Variants in RNF170 observed in about 807,000 individuals in gnomAD.
RNF170 encodes ring finger protein 170.
A neutral mutation model predicts 32.7 loss-of-function variants in RNF170; 12 were observed. That is an observed-to-expected ratio of 0.37 (90% CI 0.24 to 0.60). The LOEUF (loss-of-function observed/expected upper bound fraction) is 0.60. Among genes scored for constraint, RNF170 ranks in the 20% least tolerant of loss-of-function variants. The pLI is 0.72. For missense variants in RNF170, 212 were observed against 311.2 expected, an observed-to-expected ratio of 0.68 and a Z score of 2.40; for synonymous variants, 91 against 103.6, an observed-to-expected ratio of 0.88 and a Z score of 0.74.
intron 2 of RNF170, among the ~76,000 whole-genome samples, chr8:42,877,355 T>C (rs1390059348): frequency 2.0e-5 from 3 of 151,988 alleles, no homozygotes; most frequent in African/African-American, 7.2e-5. Flanking sequence ...TTTAGTAGAG[T>C]TGGGGTTTCA....
In RNF170 at chr8:42,861,895, A is replaced by G. The variant is rs1283522218; in HGVS notation, c.397-40T>C. On this transcript the variant is annotated intron_variant, in intron 5 of 6. Coordinates refer to ENST00000527424, the MANE Select transcript of RNF170 (RefSeq NM_030954.4). ...AAAAAAAATTATTTCAACTTTCTGC[A>G]TCATTATGTTTTTTTCATTTTGTGT... The G allele has an allele frequency of 2.6e-6, 4 of 1,550,076 alleles. No individual in the cohort carries two copies. In the Admixed American group the frequency reaches 7.4e-5, roughly 29 times the overall value.
In RNF170 at chr8:42,855,354, G is replaced by A; in HGVS notation, c.*805C>T. 1.4e-6 allele frequency: 1 copy of A among 732,784 alleles called. No homozygotes were observed. The highest frequency in any genetic ancestry group is 2.0e-6 in the Non-Finnish European group (1 of 505,658). 45.4% of individuals were successfully genotyped at this position (732,784 alleles called of 1,614,324 possible). A position where few individuals can be genotyped will look rare whatever the true frequency, so the allele number is the denominator to read the frequency against. On this transcript the variant is annotated 3_prime_UTR_variant, in exon 7 of 7. Transcript: ENST00000527424. ...AGCCTCCCGAGTAGCTGGGACTACA[G>A]GCGCCTGCCACCACGCCTGGCTAAT... is the stretch of plus-strand genomic sequence containing the variant.
At chr8:42,861,704 G>A in intron 6 of RNF170, 41 bp downstream of exon 6, 1 of 1,433,218 alleles carries the variant, frequency 7.0e-7, no homozygotes, top group South Asian at 1.1e-5. Flanking sequence ...GAGAAGAAAT[G>A]TGTCTTCCTC....
chr8:42,888,720 C>T (rs1806043462), intron 1 of RNF170, among the ~76,000 whole-genome samples: 1 of 152,102 alleles, frequency 6.6e-6, no homozygotes, highest in Non-Finnish European at 1.5e-5. Flanking sequence ...GAGAGCGCCA[C>T]TGTACTCCAG....
intron 2 of RNF170, among the ~76,000 whole-genome samples, chr8:42,883,247 G>A (rs545393787): frequency 2.0e-5 from 3 of 151,884 alleles, no homozygotes; most frequent in Admixed American, 6.6e-5. Context: ...TCACTATTAC[G>A]CAACATACCC....
chr8:42,870,205 G>T (rs1416953794), intron 3 of RNF170, 93 bp from the exon 4 acceptor site: 8 of 850,306 alleles, frequency 9.4e-6, no homozygotes, highest in Non-Finnish European at 1.6e-5. Context: ...AGAGTCAGCA[G>T]TGTGTAACCC....
intron 6 of RNF170, among the ~76,000 whole-genome samples, chr8:42,860,539 C>T (rs1399421993): frequency 6.6e-6 from 1 of 151,414 alleles, no homozygotes; most frequent in Non-Finnish European, 1.5e-5. Context: ...TCTCCTGCCT[C>T]AGCCTTCCAA....
At chr8:42,882,137 G>T (rs550101793) in intron 2 of RNF170, among the ~76,000 whole-genome samples, 72 of 152,282 alleles carry the variant, frequency 4.7e-4, no homozygotes, top group Admixed American at 1.0e-3. Flanking sequence ...CTGCCATGGT[G>T]CCTTGCTGGT....
chr8:42,879,313 T>C (rs759242917), intron 2 of RNF170, among the ~76,000 whole-genome samples: 28 of 152,212 alleles, frequency 1.8e-4, no homozygotes, highest in African/African-American at 6.0e-4. Context: ...GGGGAATCAA[T>C]TGAAACCTTC....
upstream of RNF170, chr8:42,896,763 G>GGCGGCGGCGGCGGC (rs1320058791): frequency 9.6e-5 from 14 of 146,516 alleles, no homozygotes; most frequent in African/African-American, 3.2e-4. Context: ...CGGCGGCGGC[G>GGCGGCGGCGGCGGC]GCGGCGGCGG....
At chr8:42,896,406 C>T (rs1174925510) in intron 1 of RNF170, 78 bp downstream of exon 1, 1 of 450,670 alleles carries the variant, frequency 2.2e-6, no homozygotes. Context: ...CAGAGCTACC[C>T]CAAGAAGGCC....
intron 4 of RNF170, among the ~76,000 whole-genome samples, chr8:42,868,079 T>C (rs556278734): frequency 5.2e-4 from 79 of 152,252 alleles, no homozygotes; most frequent in African/African-American, 1.9e-3. Flanking sequence ...GCATTTCCAA[T>C]AGAAAATTAA....
At chr8:42,894,861 T>A (rs1806635988) in intron 1 of RNF170, among the ~76,000 whole-genome samples, 1 of 152,148 alleles carries the variant, frequency 6.6e-6, no homozygotes, top group South Asian at 2.1e-4. Flanking sequence ...GCCACGTATG[T>A]GTAATTTCTA....
At chr8:42,873,501 CCTAA>C (rs559334990) in intron 3 of RNF170, among the ~76,000 whole-genome samples, 68 of 151,848 alleles carry the variant, frequency 4.5e-4, no homozygotes, top group Non-Finnish European at 7.7e-4. Flanking sequence ...TTTCTCTTTG[CCTAA>C]CTAGTTTTGT....
chr8:42,859,004 G>A (rs774395090), intron 6 of RNF170, among the ~76,000 whole-genome samples: 1 of 151,712 alleles, frequency 6.6e-6, no homozygotes, highest in South Asian at 2.1e-4. Flanking sequence ...CCAACATGGC[G>A]AAACCCCATC....
At chr8:42,873,847 A>G (rs1306115373) in intron 3 of RNF170, 84 bp downstream of exon 3, 4 of 822,588 alleles carry the variant, frequency 4.9e-6, no homozygotes, top group Non-Finnish European at 8.5e-6. Flanking sequence ...TGTTTCCAAA[A>G]AGTAATTTAG....
chr8:42,872,113 T>C (rs1804566268), intron 3 of RNF170, among the ~76,000 whole-genome samples: 1 of 152,136 alleles, frequency 6.6e-6, no homozygotes, highest in African/African-American at 2.4e-5. Flanking sequence ...ACAGACTACA[T>C]CGCCAGCCTT....
intron 3 of RNF170, 21 bp downstream of exon 3, chr8:42,873,910 A>T: frequency 7.2e-7 from 1 of 1,391,100 alleles, no homozygotes; most frequent in Non-Finnish European, 1.0e-6. Context: ...TCTACTCCTC[A>T]AATAAATACA....
chr8:42,866,622 A>G (rs7835435), intron 4 of RNF170, among the ~76,000 whole-genome samples: 38,813 of 152,008 alleles, frequency 0.26, 7,169 homozygotes, highest in African/African-American at 0.51. Flanking sequence ...AGGAATCAAA[A>G]GACACAAAAA....
Sources: allele counts gnomAD v4.1 joint callset (sites outside exome capture counted in the v4.1 genomes callset), GRCh38; gene constraint gnomAD v4.1.1; transcripts MANE v1.5; gene names NCBI Gene and HGNC (gene_info 2026-07-23, HGNC 2026-07-21).